LINGO2: variants seen among roughly 807,000 people sequenced by gnomAD.
LINGO2 encodes leucine-rich repeat and immunoglobulin-like domain-containing nogo receptor-interacting protein 2.
A neutral mutation model predicts 30.6 loss-of-function variants in LINGO2; 14 were observed. That is an observed-to-expected ratio of 0.46 (90% CI 0.30 to 0.72). The LOEUF is 0.72. LINGO2 is among the 30% of genes least tolerant of loss of function. LINGO2 has a pLI of 0.07. For synonymous variants in LINGO2, 317 were observed against 288.5 expected (o/e 1.10, Z -1.00); for missense variants, 729 against 751.7 (o/e 0.97, Z 0.35).
the LINGO2 span, among the ~76,000 whole-genome samples, chr9:28,794,464 T>G: frequency 6.6e-6 from 1 of 152,186 alleles, no homozygotes; most frequent in Non-Finnish European, 1.5e-5. Context: ...AAGGATGAGG[T>G]TTCCTGAGTT....
chr9:28,680,762 T>C, the LINGO2 span, among the ~76,000 whole-genome samples: 1 of 152,130 alleles, frequency 6.6e-6, no homozygotes, highest in Non-Finnish European at 1.5e-5. Flanking sequence ...ACTATTTATA[T>C]GCCTTATTTT....
chr9:28,826,992 G>A, the LINGO2 span, among the ~76,000 whole-genome samples: 4,595 of 152,226 alleles, frequency 0.03, 259 homozygotes, highest in African/African-American at 0.1. Context: ...TTAAAACCAC[G>A]TCCCAGTGTC....
intron 1 of LINGO2, among the ~76,000 whole-genome samples, chr9:28,515,528 A>G (rs1035519418): frequency 6.6e-6 from 1 of 152,170 alleles, no homozygotes; most frequent in African/African-American, 2.4e-5. Flanking sequence ...TTGTAAGGCT[A>G]TAGTTGCCAT....
At chr9:27,954,960 A>T (rs553845969) in intron 5 of LINGO2, among the ~76,000 whole-genome samples, 10 of 152,238 alleles carry the variant, frequency 6.6e-5, no homozygotes, top group African/African-American at 2.2e-4. Flanking sequence ...GGGTAAGATG[A>T]TCTCTCAATG....
At chr9:29,209,560 C>A in the LINGO2 span, among the ~76,000 whole-genome samples, 3 of 152,038 alleles carry the variant, frequency 2.0e-5, no homozygotes, top group Non-Finnish European at 4.4e-5. Flanking sequence ...ACAGAAAAAT[C>A]ACAGAAGTAT....
chr9:28,657,279 A>G (rs1033719750), intron 1 of LINGO2, among the ~76,000 whole-genome samples: 1 of 151,912 alleles, frequency 6.6e-6, no homozygotes, highest in Non-Finnish European at 1.5e-5. Context: ...CATCACCACC[A>G]CCCATCAAAA....
At chr9:29,136,462 G>C in the LINGO2 span, among the ~76,000 whole-genome samples, 1 of 151,894 alleles carries the variant, frequency 6.6e-6, no homozygotes, top group Non-Finnish European at 1.5e-5. Context: ...TTTTCTCCAA[G>C]GTAACATTTT....
chr9:28,065,429 C>T (rs1339952226), intron 4 of LINGO2, among the ~76,000 whole-genome samples: 2 of 61,574 alleles, frequency 3.2e-5, no homozygotes, highest in African/African-American at 1.2e-4. Context: ...GGTCAGGAAT[C>T]ATATAAAAGA....
intron 5 of LINGO2, among the ~76,000 whole-genome samples, chr9:27,968,037 T>C (rs2118704628): frequency 6.6e-6 from 1 of 152,182 alleles, no homozygotes; most frequent in South Asian, 2.1e-4. Flanking sequence ...TTGAGTTCTG[T>C]CCAAAAAAGA....
chr9:28,044,957 C>T (rs946764596), intron 4 of LINGO2, among the ~76,000 whole-genome samples: 6 of 151,998 alleles, frequency 3.9e-5, no homozygotes, highest in Non-Finnish European at 8.8e-5. Flanking sequence ...GTTAGACAGA[C>T]GAGCAGAAAA....
chr9:28,012,427 A>T (rs1822603662), intron 4 of LINGO2: 1 of 151,938 alleles, frequency 6.6e-6, no homozygotes, highest in Non-Finnish European at 1.5e-5. Flanking sequence ...AAAAAAAAAA[A>T]AGTTAATCAA....
chr9:28,363,996 ATGTATTTTC>A (rs1455391197), intron 3 of LINGO2, among the ~76,000 whole-genome samples: 3 of 151,334 alleles, frequency 2.0e-5, no homozygotes, highest in Non-Finnish European at 4.4e-5. Context: ...AAAAAAGATG[ATGTATTTTC>A]TGTATTCGCT....
chr9:28,630,607 A>G (rs1826890962), intron 1 of LINGO2, among the ~76,000 whole-genome samples: 1 of 152,112 alleles, frequency 6.6e-6, no homozygotes, highest in Admixed American at 6.6e-5. Flanking sequence ...TGTCTGGTCT[A>G]CTTTCATACA....
intron 1 of LINGO2, among the ~76,000 whole-genome samples, chr9:28,621,674 A>T (rs1308797364): frequency 6.6e-6 from 1 of 152,056 alleles, no homozygotes; most frequent in East Asian, 1.9e-4. Flanking sequence ...GTTTTTGCAC[A>T]TATTAATAAA....
Position 28,494,424 on chromosome 9 carries a change from G to A in LINGO2, c.-364-18399C>T, listed in dbSNP as rs148936733. ...GATGTTCCCCTTCCTGTGTCCAAGTGTTCTCATTGTTCAGTTCCCACTTTT... is the reference window on the plus strand; with the variant it reads ...GATGTTCCCCTTCCTGTGTCCAAGTATTCTCATTGTTCAGTTCCCACTTTT... On this transcript the variant is annotated intron_variant, in intron 1 of 5. Transcript: ENST00000379992. 2.5e-4 allele frequency among the ~76,000 whole-genome samples: 38 copies of A among 152,026 alleles called. No individual in the cohort carries two copies. The East Asian group carries it at 7.2e-3, about 29-fold the overall frequency.
chr9:28,781,138 T>A, the LINGO2 span, among the ~76,000 whole-genome samples: 2 of 152,224 alleles, frequency 1.3e-5, no homozygotes, highest in Admixed American at 6.6e-5. Context: ...GGGTTTGGCC[T>A]TACATTATGT....
At chr9:28,234,810 G>C (rs908281436) in intron 4 of LINGO2, among the ~76,000 whole-genome samples, 25 of 149,248 alleles carry the variant, frequency 1.7e-4, no homozygotes, top group African/African-American at 5.9e-4. Context: ...ATGACCTATT[G>C]TGGGACCTCA....
chr9:28,252,535 A>G (rs564243749), intron 4 of LINGO2, among the ~76,000 whole-genome samples: 1 of 152,060 alleles, frequency 6.6e-6, no homozygotes, highest in African/African-American at 2.4e-5. Context: ...TTTGGCACAC[A>G]TTATTTCTAC....
chr9:28,941,056 G>A, the LINGO2 span, among the ~76,000 whole-genome samples: 2 of 151,902 alleles, frequency 1.3e-5, no homozygotes, highest in South Asian at 2.1e-4. Context: ...GAGGAAAGGA[G>A]GAAGAAAGAA....
Sources: gnomAD v4.1 joint callset for allele counts (sites outside exome capture counted in the v4.1 genomes callset) on GRCh38, gnomAD v4.1.1 for gene constraint, MANE v1.5 for transcripts, NCBI Gene and HGNC (gene_info 2026-07-23, HGNC 2026-07-21) for gene names.